The following MARK2 variants were observed in gnomAD, a reference collection of about 807,000 sequenced individuals.
The protein encoded by MARK2 is serine/threonine-protein kinase MARK2.
In MARK2, 16 loss-of-function variants were observed where a neutral mutation model predicts 89.8. That is an observed-to-expected ratio of 0.18 (90% CI 0.12 to 0.27). The LOEUF is 0.27. Ranked by LOEUF, MARK2 falls within the 10% of genes least tolerant of loss-of-function variation. MARK2 has a pLI of 1.00. For missense variants in MARK2, 621 were observed against 1,049.9 expected (o/e 0.59, Z 5.65); for synonymous variants, 382 against 399.5 (o/e 0.96, Z 0.52).
chr11:63,863,712 C>A (rs1218529955), intron 1 of MARK2, among the ~76,000 whole-genome samples: 4 of 151,750 alleles, frequency 2.6e-5, no homozygotes, highest in African/African-American at 9.7e-5. Flanking sequence ...GATCTGCCTG[C>A]CTTTGCCTCC....
chr11:63,882,214 A>C (rs1939131820), intron 1 of MARK2, among the ~76,000 whole-genome samples: 1 of 118,202 alleles, frequency 8.5e-6, no homozygotes, highest in Non-Finnish European at 2.0e-5. Flanking sequence ...ATTTATTCAA[A>C]ATAATAATTT....
intron 1 of MARK2, among the ~76,000 whole-genome samples, chr11:63,849,633 G>A (rs1351371017): frequency 1.3e-5 from 2 of 152,174 alleles, no homozygotes; most frequent in Admixed American, 1.3e-4. Context: ...TACACCTATA[G>A]TCCCAGCTAC....
rs1019398344 is a variant in MARK2, at chr11:63,910,123, G to T, written c.*886G>T. On this transcript the variant is annotated 3_prime_UTR_variant, in exon 19 of 19. Transcript: ENST00000402010. ...GGGCAGACTGGCTTCTCGGTCCCCA[G>T]GGGGCCGCTTGGGCTGTTGGTCTCC... The T allele has an allele frequency of 3.9e-5, 6 of 152,370 alleles. No individual in the cohort carries two copies. The highest frequency in any genetic ancestry group is 1.2e-4 in the African/African-American group (5 of 41,456). The allele number at this position is 152,370 out of a possible 1,614,324, so 9.4% of individuals were successfully genotyped here.
chr11:63,898,968 A>T, intron 6 of MARK2, 84 bp from the exon 7 acceptor site: 1 of 1,231,296 alleles, frequency 8.1e-7, no homozygotes, highest in Non-Finnish European at 1.2e-6. Flanking sequence ...GCAGGTTAGC[A>T]CTAAGTCACA....
intron 1 of MARK2, among the ~76,000 whole-genome samples, chr11:63,857,025 A>G (rs1383321509): frequency 1.3e-5 from 2 of 149,302 alleles, no homozygotes; most frequent in African/African-American, 2.5e-5. Flanking sequence ...GTTAGCCAGG[A>G]TGGTCTCGAT....
intron 1 of MARK2, among the ~76,000 whole-genome samples, chr11:63,861,390 G>A (rs1038070137): frequency 6.6e-6 from 1 of 151,976 alleles, no homozygotes; most frequent in Non-Finnish European, 1.5e-5. Context: ...AGCTGAGATC[G>A]CACCACTGCA....
rs140768971 is a variant in MARK2 at position 63,865,901 on chromosome 11, T to C, written c.54+26341T>C. Among the ~76,000 whole-genome samples, 174 of 152,330 alleles carry C rather than the reference T, an allele frequency of 1.1e-3. 2 individuals carry two copies. Among genetic ancestry groups the C allele is most frequent in the African/African-American group, 3.2e-3 (134 of 41,574 alleles). On this transcript the variant is annotated intron_variant, in intron 1 of 18. Coordinates refer to ENST00000402010, the MANE Select transcript of MARK2 (RefSeq NM_001039469.3). ...GTGCCACTTTTGTGTCCTGATTTTC[T>C]AACTTGATAGTAAGAAGTACTAAGT...
intron 1 of MARK2, among the ~76,000 whole-genome samples, chr11:63,858,158 C>G (rs1224814719): frequency 6.6e-6 from 1 of 152,166 alleles, no homozygotes; most frequent in Non-Finnish European, 1.5e-5. Flanking sequence ...TCCCAACTAG[C>G]TGGGATTACA....
chr11:63,892,083 T>C (rs1395679223), intron 1 of MARK2, among the ~76,000 whole-genome samples: 1 of 152,178 alleles, frequency 6.6e-6, no homozygotes, highest in Non-Finnish European at 1.5e-5. Context: ...ACCAGAGAGC[T>C]CTGTGGGCTG....
chr11:63,904,110 C>T lies in MARK2; in HGVS notation c.1639C>T (p.Pro547Ser), dbSNP rs1941125744. 1.9e-6 allele frequency: 3 copies of T among 1,597,842 alleles called. No homozygotes were observed. The highest frequency in any genetic ancestry group is 2.2e-5 in the South Asian group (2 of 90,020). Residue 547 changes from proline (P) to serine (S), a missense_variant, in exon 15 of 19, where the codon CCC becomes TCC. By Grantham distance (74) the Pro-to-Ser change is moderately conservative. Around this residue, in one of 5 missense-constraint regions of MARK2, gnomAD observed 397 missense variants for 567.8 expected, o/e 0.70. Transcript: ENST00000402010. This position sits in a 1 kb window ranked among gnomAD's most constrained non-coding sequence, Gnocchi z 6.3. ...SVHPNKASGL[P>S]PTESNCEVPR... Reference sequence around the variant, plus strand: ...GCACCCCAACAAGGCCTCTGGGCTGCCCCCCACGGAGAGTAACTGTGAGGT... The same window carrying T: ...GCACCCCAACAAGGCCTCTGGGCTGTCCCCCACGGAGAGTAACTGTGAGGT...
At chr11:63,905,259 AGG>A (rs1941235167) in intron 16 of MARK2, among the ~76,000 whole-genome samples, 1 of 152,088 alleles carries the variant, frequency 6.6e-6, no homozygotes, top group African/African-American at 2.4e-5. Context: ...AACTCCTCAC[AGG>A]CACCCCTCAT....
intron 1 of MARK2, among the ~76,000 whole-genome samples, chr11:63,891,108 G>A (rs1169806919): frequency 6.6e-6 from 1 of 151,612 alleles, no homozygotes; most frequent in African/African-American, 2.4e-5. Context: ...GTGAATGGGG[G>A]TCTCACTGTA....
chr11:63,839,452 C>G lies in MARK2; in HGVS notation c.-55C>G. The stretch of plus-strand genomic sequence containing the variant: ...CCCGCCCGGCCGGGCTCCGCGCCTT[C>G]CCTTCCCTCCCTTCCTCCAAGCTTC... On this transcript the variant is annotated 5_prime_UTR_variant, in exon 1 of 19. Transcript: ENST00000402010. The G allele has an allele frequency of 8.5e-7, 1 of 1,170,706 alleles. No homozygotes were observed. Among genetic ancestry groups the G allele is most frequent in the Non-Finnish European group, 1.2e-6 (1 of 814,816 alleles). 72.5% of individuals were successfully genotyped at this position (1,170,706 alleles called of 1,614,324 possible).
At chr11:63,854,219 T>TGTGTGTGA (rs1437717037) in intron 1 of MARK2, among the ~76,000 whole-genome samples, 1 of 143,448 alleles carries the variant, frequency 7.0e-6, no homozygotes, top group African/African-American at 2.7e-5. Context: ...TGTGTGTGTG[T>TGTGTGTGA]GACAAGGTCT....
chr11:63,880,921 C>T (rs1326008509), intron 1 of MARK2, among the ~76,000 whole-genome samples: 1 of 152,200 alleles, frequency 6.6e-6, no homozygotes, highest in Non-Finnish European at 1.5e-5. Flanking sequence ...GAAGACATCG[C>T]AAAATGTTTT....
chr11:63,908,208 G>A (rs761264557), intron 17 of MARK2, 52 bp from the exon 18 acceptor site: 10 of 1,509,126 alleles, frequency 6.6e-6, no homozygotes, highest in East Asian at 4.9e-5. Context: ...CTGTGGCGGC[G>A]GAAGGAGCGA....
rs1269313927 is a variant in MARK2, at chr11:63,902,811, C to A, written c.1416+29C>A. 6.3e-7 allele frequency: 1 copy of A among 1,579,784 alleles called. No homozygotes were observed. Among genetic ancestry groups the A allele is most frequent in the South Asian group, 1.1e-5 (1 of 90,164 alleles). ...AGCCGCACCCCCCGCTCTCTCCTTC[C>A]TTCCTGCGGTGGGGCCTGCCCTCTC... On this transcript the variant is annotated intron_variant, in intron 13 of 18. Transcript: ENST00000402010. This position sits in a 1 kb window ranked among gnomAD's most constrained non-coding sequence, Gnocchi z 4.2.
At chr11:63,893,563 C>T (rs571408651) in intron 1 of MARK2, among the ~76,000 whole-genome samples, 1 of 151,952 alleles carries the variant, frequency 6.6e-6, no homozygotes, top group East Asian at 1.9e-4. Flanking sequence ...TTTGTATATA[C>T]TGAGGAGCGG....
At chr11:63,888,914 G>A (rs771771565) in intron 1 of MARK2, 1 of 1,350,172 alleles carries the variant, frequency 7.4e-7, no homozygotes, top group Admixed American at 1.9e-5. Context: ...TTCTGCTGTG[G>A]GCTCTGCTGA....
Sources: allele counts gnomAD v4.1 joint callset (sites outside exome capture counted in the v4.1 genomes callset), GRCh38; gene constraint gnomAD v4.1.1; regional missense constraint gnomAD v4.1.1; non-coding constraint Gnocchi (gnomAD v3.1); transcripts MANE v1.5; gene names NCBI Gene and HGNC (gene_info 2026-07-23, HGNC 2026-07-21).